BARHL2: variants seen among roughly 807,000 people sequenced by gnomAD.
BARHL2 encodes the protein barH-like 2 homeobox protein.
BARHL2 carries 10 observed loss-of-function variants against 27.1 expected under a neutral mutation model. The ratio of observed to expected loss-of-function variants is 0.37; its 90% CI spans 0.23 to 0.63. The LOEUF (loss-of-function observed/expected upper bound fraction) is 0.63. BARHL2 is among the 20% of genes least tolerant of loss of function. The pLI is 0.65. For missense variants in BARHL2, 483 were observed against 533.5 expected (o/e 0.91, Z 0.93); for synonymous variants, 248 against 224.7 (o/e 1.10, Z -0.93).
In BARHL2 at chr1:90,717,137, G is replaced by A; in HGVS notation, c.59C>T (p.Ala20Val). 1 of 1,613,792 alleles carries A rather than the reference G, an allele frequency of 6.2e-7. No individual in the cohort carries two copies. Among genetic ancestry groups the A allele is most frequent in the Non-Finnish European group, 8.5e-7 (1 of 1,179,954 alleles). The change falls in exon 1 of 3, where the codon GCC (alanine) becomes GTC (valine). Residue 20 changes from alanine (A) to valine (V), a missense_variant. Physicochemically the swap from Ala to Val is moderately conservative, Grantham distance 64 (BLOSUM62 0). This residue lies in a region of BARHL2 where 304 missense variants were observed against 284.9 expected (regional missense o/e 1.07). Transcript: ENST00000370445. The part of the protein sequence containing the change: ...SFGIDTILSS[A>V]SSGSPGMMNG... ...CATCATGCCTGGGCTGCCTGAACTGGCACTGGACAAAATCGTGTCTATTCC... is the reference window on the plus strand; with the variant it reads ...CATCATGCCTGGGCTGCCTGAACTGACACTGGACAAAATCGTGTCTATTCC...
At position 90,717,265 on chromosome 1, in the gene BARHL2, G is replaced by C. The variant is rs1438088171; in HGVS notation, c.-70C>G. The C allele has an allele frequency of 3.9e-6, 6 of 1,552,768 alleles. No individual in the cohort carries two copies. Among genetic ancestry groups the C allele is most frequent in the Non-Finnish European group, 5.2e-6 (6 of 1,162,322 alleles). On this transcript the variant is annotated 5_prime_UTR_variant, in exon 1 of 3. Transcript: ENST00000370445. ...GAACCAGCGAAGAAAGCTATCGATC[G>C]TAAAACAAAATAAACACCAAACAAT...
chr1:90,716,489 G>T (rs1485661103), intron 1 of BARHL2, 82 bp downstream of exon 1: 2 of 1,446,180 alleles, frequency 1.4e-6, no homozygotes, highest in Non-Finnish European at 1.9e-6. Flanking sequence ...CTCCCCAGCA[G>T]AGATCTGCTG....
chr1:90,716,039 G>A (rs568451399), intron 1 of BARHL2, among the ~76,000 whole-genome samples: 2 of 147,156 alleles, frequency 1.4e-5, no homozygotes, highest in Non-Finnish European at 3.0e-5. Context: ...TTTTTTTAAA[G>A]TTGCTCTGTT....
At chr1:90,712,843 T>G (rs1366630159) in intron 2 of BARHL2, among the ~76,000 whole-genome samples, 2 of 152,136 alleles carry the variant, frequency 1.3e-5, no homozygotes, top group Non-Finnish European at 2.9e-5. Context: ...AATTACACCT[T>G]CAGTGGCTGA....
Position 90,711,905 on chromosome 1 carries a change from T to A in BARHL2, c.*407A>T, listed in dbSNP as rs915396. ...CTGTCCATATATAGTTCACTCTGCC[T>A]GTGCTGTTTCCGCTCCGTGCCCTTC... On this transcript the variant is annotated 3_prime_UTR_variant, in exon 3 of 3. Coordinates refer to ENST00000370445, the MANE Select transcript of BARHL2 (RefSeq NM_020063.2). 0.042 allele frequency: 6,647 copies of A among 156,946 alleles called. 187 individuals are homozygous for A. The highest frequency in any genetic ancestry group is 0.056 in the Non-Finnish European group (4,005 of 71,202). 9.7% of individuals were successfully genotyped at this position (156,946 alleles called of 1,614,324 possible).
At position 90,715,161 on chromosome 1, in the gene BARHL2, C is replaced by T. The variant is rs1266514756; in HGVS notation, c.626-405G>A. Among the ~76,000 whole-genome samples the T allele has an allele frequency of 2.8e-5, 4 of 142,126 alleles. No individual in the cohort carries two copies. In the East Asian group the frequency reaches 8.3e-4, roughly 29 times the overall value. The allele number at this position is 142,126 out of a possible 152,430, so 93.2% of individuals were successfully genotyped here. ...CTGATGTGGTGATTTTTCAAAGGGT[C>T]CCTCTACTCTTTTTTTTTTTTTTTT... On this transcript the variant is annotated intron_variant, in intron 1 of 2. Transcript: ENST00000370445.
chr1:90,713,592 T>C (rs79125194), intron 2 of BARHL2, among the ~76,000 whole-genome samples: 1 of 152,056 alleles, frequency 6.6e-6, no homozygotes, highest in Non-Finnish European at 1.5e-5. Flanking sequence ...GACAGAAAAT[T>C]ATGGTAAAGA....
chr1:90,712,366 C>A lies in BARHL2; in HGVS notation c.1110G>T (p.Gln370His). The stretch of plus-strand genomic sequence containing the variant: ...GGCTGGACAATGGATTAAGGGCTGG[C>A]TGTCCCCCAGGCCCTAGGCCGTGGA... ...VLIHGLGPGG[Q>H]PALNPLSSPI... The change falls in exon 3 of 3, where the codon CAG becomes CAT. Residue 370 changes from glutamine (Q) to histidine (H), a missense_variant. Physicochemically the swap from Gln to His is conservative, Grantham distance 24 (BLOSUM62 0). Coordinates refer to ENST00000370445, the MANE Select transcript of BARHL2 (RefSeq NM_020063.2). 1 of 1,550,356 alleles carries A rather than the reference C, an allele frequency of 6.5e-7. No homozygotes were observed. Among genetic ancestry groups the A allele is most frequent in the Non-Finnish European group, 8.7e-7 (1 of 1,143,970 alleles).
chr1:90,712,225 G>C lies in BARHL2; in HGVS notation c.*87C>G, dbSNP rs571687484. ...CAGAGTTGGCTGCAAGGGAGGCCTA[G>C]TGGCCTGGAGCAGGGAGAGGACGGG... On this transcript the variant is annotated 3_prime_UTR_variant, in exon 3 of 3. Coordinates refer to ENST00000370445, the MANE Select transcript of BARHL2 (RefSeq NM_020063.2). 4 of 1,332,118 alleles carry C rather than the reference G, an allele frequency of 3.0e-6. No homozygotes were observed. In the Admixed American group the frequency reaches 1.2e-4, roughly 40 times the overall value. The allele number at this position is 1,332,118 out of a possible 1,614,324, so 82.5% of individuals were successfully genotyped here.
chr1:90,712,567 G>A lies in BARHL2; in HGVS notation c.909C>T (p.Asn303=), dbSNP rs1658059370. ...VGLELLAEAG[N]YSALQRMFPS... ...GAAACATCCTCTGCAGCGCCGAGTA[G>A]TTCCCTGCCTCGGCCAGCAACTCCA... The change falls in exon 3 of 3, where the codon AAC becomes AAT. Residue 303 remains asparagine, a synonymous_variant. Transcript: ENST00000370445. 1 of 1,613,482 alleles carries A rather than the reference G, an allele frequency of 6.2e-7. No individual in the cohort carries two copies.
rs771287678 is a variant in BARHL2, at chr1:90,717,159, T to C, written c.37A>G (p.Ile13Val). The C allele has an allele frequency of 1.9e-6, 3 of 1,613,584 alleles. No homozygotes were observed. Among genetic ancestry groups the C allele is most frequent in the Non-Finnish European group, 2.5e-6 (3 of 1,179,874 alleles). Residue 13 changes from isoleucine (I) to valine (V), a missense_variant, in exon 1 of 3, where the codon ATA becomes GTA. Transcript: ENST00000370445. ...CTGGCACTGGACAAAATCGTGTCTA[T>C]TCCAAAACTCGACCCGCTGGCCCCT... Reference protein sequence around the residue: ...MEGASGSSFGIDTILSSASSG... With the variant: ...MEGASGSSFGVDTILSSASSG...
In BARHL2 at chr1:90,717,300, G is replaced by T. The variant is rs1658172729; in HGVS notation, c.-105C>A. ...ATAAACACCAAACAATGTTGCCGCC[G>T]CTTAAAAAAAAAAAAGTGGGGCGGG... is the stretch of plus-strand genomic sequence containing the variant. On this transcript the variant is annotated 5_prime_UTR_variant, in exon 1 of 3. Coordinates refer to ENST00000370445, the MANE Select transcript of BARHL2 (RefSeq NM_020063.2). 1 of 1,480,240 alleles carries T rather than the reference G, an allele frequency of 6.8e-7. No individual in the cohort carries two copies. The highest frequency in any genetic ancestry group is 8.9e-7 in the Non-Finnish European group (1 of 1,128,806). The allele number at this position is 1,480,240 out of a possible 1,614,324, so 91.7% of individuals were successfully genotyped here. A position where few individuals can be genotyped will look rare whatever the true frequency, so the allele number is the denominator to read the frequency against.
intron 2 of BARHL2, among the ~76,000 whole-genome samples, chr1:90,713,769 T>C (rs1200830657): frequency 6.6e-6 from 1 of 152,220 alleles, no homozygotes; most frequent in Non-Finnish European, 1.5e-5. Flanking sequence ...TTCGTGGCCC[T>C]GCGAGCACTG....
chr1:90,712,460 C>T lies in BARHL2; in HGVS notation c.1016G>A (p.Ser339Asn), dbSNP rs1400776065. The T allele has an allele frequency of 2.5e-6, 4 of 1,613,414 alleles. No homozygotes were observed. Among genetic ancestry groups the T allele is most frequent in the Admixed American group, 1.7e-5 (1 of 59,928 alleles). ...TGCTGGAGGAGTCCGGTACATGCTG[C>T]TGTACATGGCAGCGGCAGCCGCCGC... Reference protein sequence around the residue: ...TAAAAAAAMYSSMYRTPPAPH... With the variant: ...TAAAAAAAMYNSMYRTPPAPH... Residue 339 changes from serine (S) to asparagine (N), a missense_variant, in exon 3 of 3, where the codon AGC (serine) becomes AAC (asparagine). Ser to Asn is a conservative substitution (Grantham distance 46, BLOSUM62 1). This residue lies in a region of BARHL2 where 130 missense variants were observed against 138.0 expected (regional missense o/e 0.94). Coordinates refer to ENST00000370445, the MANE Select transcript of BARHL2 (RefSeq NM_020063.2).
At chr1:90,715,508 T>C (rs1658126704) in intron 1 of BARHL2, among the ~76,000 whole-genome samples, 2 of 152,096 alleles carry the variant, frequency 1.3e-5, no homozygotes, top group Admixed American at 1.3e-4. Context: ...TCCTTGATCT[T>C]CCCTGCAGGA....
intron 1 of BARHL2, among the ~76,000 whole-genome samples, chr1:90,715,819 G>A (rs555950106): frequency 6.6e-6 from 1 of 151,640 alleles, no homozygotes; most frequent in South Asian, 2.1e-4. Flanking sequence ...GGGAGTTGAA[G>A]GACAATTTCC....
chr1:90,712,727 C>T, intron 2 of BARHL2, 103 bp from the exon 3 acceptor site: 1 of 1,191,070 alleles, frequency 8.4e-7, no homozygotes, highest in East Asian at 2.6e-5. Flanking sequence ...CCTTCATTCT[C>T]CCTGGGTGGC....
rs1277998107 is a variant in BARHL2 at position 90,712,541 on chromosome 1, G to T, written c.935C>A (p.Pro312Gln). 6.2e-7 allele frequency: 1 copy of T among 1,614,076 alleles called. No homozygotes were observed. The highest frequency in any genetic ancestry group is 8.5e-7 in the Non-Finnish European group (1 of 1,180,016). ...GCTTGGGTGATAGAAATAAGGCGAT[G>T]GAAACATCCTCTGCAGCGCCGAGTA... Reference protein sequence around the residue: ...GNYSALQRMFPSPYFYHPSLL... With the variant: ...GNYSALQRMFQSPYFYHPSLL... The change falls in exon 3 of 3, where the codon CCA (proline) becomes CAA (glutamine). Residue 312 changes from proline (P) to glutamine (Q), a missense_variant. Pro to Gln is a moderately conservative substitution (Grantham distance 76, BLOSUM62 -1). Coordinates refer to ENST00000370445, the MANE Select transcript of BARHL2 (RefSeq NM_020063.2).
intron 2 of BARHL2, among the ~76,000 whole-genome samples, chr1:90,713,202 A>C (rs1296616044): frequency 2.0e-5 from 3 of 152,172 alleles, no homozygotes; most frequent in Non-Finnish European, 4.4e-5. Flanking sequence ...TACAGTGGGC[A>C]GGGGGCTTAA....
Sources: allele counts gnomAD v4.1 joint callset (sites outside exome capture counted in the v4.1 genomes callset), GRCh38; gene constraint gnomAD v4.1.1; regional missense constraint gnomAD v4.1.1; transcripts MANE v1.5; gene names NCBI Gene and HGNC (gene_info 2026-07-23, HGNC 2026-07-21).